The following GRIK5 variants were observed in gnomAD, a reference collection of about 807,000 sequenced individuals.
GRIK5 encodes glutamate ionotropic receptor kainate type subunit 5.
GRIK5 carries 43 observed loss-of-function variants against 97.4 expected under a neutral mutation model. The observed-to-expected ratio is 0.44, with a 90% CI of 0.35 to 0.57. The LOEUF is 0.57. Ranked by LOEUF, GRIK5 falls within the 20% of genes least tolerant of loss-of-function variation. The pLI is 0.01. For synonymous variants in GRIK5, 580 were observed against 583.5 expected (o/e 0.99, Z 0.09); for missense variants, 1,015 against 1,382.0 (o/e 0.73, Z 4.21).
At position 42,002,653 on chromosome 19, in the gene GRIK5, A is replaced by T; in HGVS notation, c.2514+679T>A. 4.9e-6 allele frequency: 3 copies of T among 618,370 alleles called. No homozygotes were observed. The South Asian group carries it at 5.9e-5, about 12-fold the overall frequency. 38.3% of individuals were successfully genotyped at this position (618,370 alleles called of 1,614,324 possible). On this transcript the variant is annotated intron_variant, in intron 19 of 19. Transcript: ENST00000593562. The surrounding 1 kb of genome is among the most constrained non-coding windows in gnomAD (Gnocchi z 5.2). ...GGAACCAGCAGTCCAGGGGTGCAAG[A>T]GCACGAATGGGTCTGGAAATGCAGG...
intron 11 of GRIK5, among the ~76,000 whole-genome samples, chr19:42,047,041 C>CT (rs929237925): frequency 5.9e-5 from 9 of 151,894 alleles, no homozygotes; most frequent in Non-Finnish European, 1.3e-4. Context: ...GTGCGAGCCA[C>CT]TAAGCCTGGC....
chr19:42,060,325 C>CCT (rs1358302453), intron 5 of GRIK5, among the ~76,000 whole-genome samples: 3 of 151,924 alleles, frequency 2.0e-5, no homozygotes, highest in Non-Finnish European at 4.4e-5. Context: ...GTGAGTGAAG[C>CCT]AGACCAGGTA....
intron 15 of GRIK5, among the ~76,000 whole-genome samples, chr19:42,017,377 C>T (rs2075637495): frequency 6.6e-6 from 1 of 152,176 alleles, no homozygotes; most frequent in Admixed American, 6.5e-5. Context: ...GCTTTTTCCC[C>T]TTCATATTGC....
chr19:42,039,821 A>T (rs558944270), intron 12 of GRIK5, among the ~76,000 whole-genome samples: 58 of 152,072 alleles, frequency 3.8e-4, no homozygotes, highest in African/African-American at 1.1e-3. Context: ...CTCTACAAAA[A>T]ACACAAAAAT....
At chr19:42,035,233 G>C (rs900770245) in intron 12 of GRIK5, among the ~76,000 whole-genome samples, 1 of 151,624 alleles carries the variant, frequency 6.6e-6, no homozygotes, top group Non-Finnish European at 1.5e-5. Context: ...CGCCCACCTC[G>C]GCCTCCCAAA....
At chr19:42,016,081 G>C (rs748339593) in intron 15 of GRIK5, among the ~76,000 whole-genome samples, 2 of 152,144 alleles carry the variant, frequency 1.3e-5, no homozygotes, top group Non-Finnish European at 2.9e-5. Context: ...CAGAAACCAA[G>C]TCTCTCCAAA....
chr19:42,012,767 T>G (rs1336317288), intron 15 of GRIK5, among the ~76,000 whole-genome samples: 1 of 151,474 alleles, frequency 6.6e-6, no homozygotes, highest in African/African-American at 2.4e-5. Context: ...CTCAAGAGGC[T>G]GAGGTGGGAG....
intron 12 of GRIK5, among the ~76,000 whole-genome samples, chr19:42,036,654 C>A (rs1393440262): frequency 1.3e-5 from 2 of 152,216 alleles, no homozygotes; most frequent in South Asian, 2.1e-4. Context: ...CCATGCCTGG[C>A]GTGTGTGTGC....
At chr19:42,058,568 CTG>C (rs558402964) in intron 6 of GRIK5, among the ~76,000 whole-genome samples, 54 of 149,810 alleles carry the variant, frequency 3.6e-4, no homozygotes, top group African/African-American at 1.3e-3. Flanking sequence ...TGGCTCACGC[CTG>C]TAATTCCAGC....
chr19:42,054,940 G>A (rs907903053), intron 8 of GRIK5, among the ~76,000 whole-genome samples: 3 of 152,126 alleles, frequency 2.0e-5, no homozygotes, highest in African/African-American at 7.2e-5. Flanking sequence ...GATTGGTCGC[G>A]GGCCTGGGAG....
chr19:42,058,238 T>G (rs1459499953), intron 6 of GRIK5, among the ~76,000 whole-genome samples: 2 of 152,088 alleles, frequency 1.3e-5, no homozygotes, highest in African/African-American at 4.8e-5. Flanking sequence ...TGGAGTCCAG[T>G]GGTGCAATCT....
intron 15 of GRIK5, among the ~76,000 whole-genome samples, chr19:42,019,216 T>C (rs535336048): frequency 6.6e-6 from 1 of 152,112 alleles, no homozygotes; most frequent in African/African-American, 2.4e-5. Flanking sequence ...AGATTTGTCA[T>C]GGCAGGTCTC....
chr19:42,064,217 C>T (rs1001604222), intron 3 of GRIK5, among the ~76,000 whole-genome samples: 2 of 152,206 alleles, frequency 1.3e-5, no homozygotes, highest in African/African-American at 4.8e-5. Flanking sequence ...AGCCTCACTC[C>T]CTGGTATAGA....
At chr19:42,026,501 G>A (rs1030464476) in intron 12 of GRIK5, among the ~76,000 whole-genome samples, 17 of 151,962 alleles carry the variant, frequency 1.1e-4, no homozygotes, top group Non-Finnish European at 2.4e-4. Flanking sequence ...TAATCCGCCT[G>A]CCTCAGCCTC....
intron 19 of GRIK5, among the ~76,000 whole-genome samples, chr19:42,000,072 G>A (rs542016403): frequency 1.3e-5 from 2 of 152,376 alleles, no homozygotes; most frequent in East Asian, 1.9e-4. Context: ...CTGGAGGGGG[G>A]CGTGCACAGG....
chr19:42,020,444 G>A (rs1207204900), intron 15 of GRIK5, among the ~76,000 whole-genome samples: 2 of 152,200 alleles, frequency 1.3e-5, no homozygotes, highest in Non-Finnish European at 2.9e-5. Flanking sequence ...AGGCTCAACA[G>A]GCATCTGTGA....
intron 11 of GRIK5, chr19:42,043,045 G>A: frequency 4.0e-6 from 2 of 501,644 alleles, no homozygotes; most frequent in Non-Finnish European, 7.1e-6. Flanking sequence ...TATGAGGGAG[G>A]AGGTAACTTT....
chr19:42,013,356 T>G (rs1057451739), intron 15 of GRIK5, among the ~76,000 whole-genome samples: 6 of 149,176 alleles, frequency 4.0e-5, no homozygotes, highest in Admixed American at 4.0e-4. Flanking sequence ...TTTAAAAAAA[T>G]AAAAATAAAG....
chr19:42,048,084 T>C (rs1280707459), intron 11 of GRIK5, among the ~76,000 whole-genome samples: 2 of 152,068 alleles, frequency 1.3e-5, no homozygotes, highest in Admixed American at 1.3e-4. Flanking sequence ...GGCAAAATTA[T>C]TAAGTTTTTA....
Sources: allele counts gnomAD v4.1 joint callset (sites outside exome capture counted in the v4.1 genomes callset), GRCh38; gene constraint gnomAD v4.1.1; non-coding constraint Gnocchi (gnomAD v3.1); transcripts MANE v1.5; gene names NCBI Gene and HGNC (gene_info 2026-07-23, HGNC 2026-07-21).